DPP10: variants seen among roughly 807,000 people sequenced by gnomAD.
DPP10 encodes dipeptidyl peptidase like 10.
Under a neutral mutation model 120.9 loss-of-function variants are expected in DPP10, and 33 were observed. The observed-to-expected ratio is 0.27, with a 90% CI of 0.21 to 0.37. DPP10 has a LOEUF of 0.37. Among genes scored for constraint, DPP10 ranks in the 10% least tolerant of loss-of-function variants. The pLI is 1.00. For missense variants in DPP10, 816 were observed against 942.8 expected (o/e 0.87, Z 1.76); for synonymous variants, 337 against 326.1 (o/e 1.03, Z -0.36).
At chr2:115,571,693 CTTTT>C (rs11462795) in intron 5 of DPP10, among the ~76,000 whole-genome samples, 2 of 117,028 alleles carry the variant, frequency 1.7e-5, no homozygotes, top group Admixed American at 2.2e-4. Context: ...GTTGTTGTTC[CTTTT>C]TTTTTTTTTC....
At chr2:114,463,287 A>G (rs1042849252) in intron 1 of DPP10, 4 of 152,316 alleles carry the variant, frequency 2.6e-5, no homozygotes, top group South Asian at 2.1e-4. Context: ...ACTGTACCAC[A>G]TGGATCATTC....
chr2:114,635,335 T>C (rs910773304), intron 1 of DPP10, among the ~76,000 whole-genome samples: 1 of 151,946 alleles, frequency 6.6e-6, no homozygotes, highest in Non-Finnish European at 1.5e-5. Flanking sequence ...AGTTGAGCAC[T>C]ATTGGGTTTA....
chr2:114,489,884 CAG>C (rs1681838756), intron 1 of DPP10, among the ~76,000 whole-genome samples: 1 of 152,180 alleles, frequency 6.6e-6, no homozygotes, highest in African/African-American at 2.4e-5. Flanking sequence ...GTTAACCCAT[CAG>C]AGAGTTAGTT....
At chr2:115,143,666 T>C (rs1192280207) in intron 1 of DPP10, among the ~76,000 whole-genome samples, 1 of 152,206 alleles carries the variant, frequency 6.6e-6, no homozygotes, top group East Asian at 1.9e-4. Context: ...TTGCTGAGGA[T>C]GGCCATGCCT....
intron 1 of DPP10, among the ~76,000 whole-genome samples, chr2:114,609,193 G>C (rs1293996367): frequency 6.6e-6 from 1 of 152,090 alleles, no homozygotes. Flanking sequence ...CCACAATGAG[G>C]GTATATTTTG....
intron 2 of DPP10, among the ~76,000 whole-genome samples, chr2:115,326,923 G>C (rs962037107): frequency 6.6e-6 from 1 of 151,952 alleles, no homozygotes; most frequent in African/African-American, 2.4e-5. Context: ...ATTTAATGTA[G>C]ACTGTGCAGT....
At chr2:115,299,658 TTG>T (rs1228642724) in intron 1 of DPP10, among the ~76,000 whole-genome samples, 3 of 152,060 alleles carry the variant, frequency 2.0e-5, no homozygotes, top group African/African-American at 7.2e-5. Context: ...ACTAATGTGT[TTG>T]TGTGCATGCA....
intron 5 of DPP10, among the ~76,000 whole-genome samples, chr2:115,552,711 T>C (rs1247072610): frequency 1.3e-5 from 2 of 152,078 alleles, no homozygotes; most frequent in Non-Finnish European, 2.9e-5. Flanking sequence ...TAAATATTCA[T>C]CAATATTCAT....
intron 1 of DPP10, among the ~76,000 whole-genome samples, chr2:114,747,945 A>AC (rs1678734933): frequency 6.6e-6 from 1 of 152,298 alleles, no homozygotes; most frequent in Admixed American, 6.5e-5. Flanking sequence ...CAAGCTGTAA[A>AC]CTGTTGGTTA....
At chr2:114,842,284 A>T (rs1044810753) in intron 1 of DPP10, among the ~76,000 whole-genome samples, 2 of 152,122 alleles carry the variant, frequency 1.3e-5, no homozygotes, top group Admixed American at 6.6e-5. Context: ...ACTAATGGCT[A>T]GGTTAGGTGG....
At chr2:115,505,650 G>A (rs1021286467) in intron 4 of DPP10, among the ~76,000 whole-genome samples, 13 of 152,168 alleles carry the variant, frequency 8.5e-5, no homozygotes, top group East Asian at 5.8e-4. Context: ...TCATTTTCTT[G>A]CTGAATAATT....
intron 1 of DPP10, among the ~76,000 whole-genome samples, chr2:114,568,033 A>G (rs548964439): frequency 7.0e-6 from 1 of 143,718 alleles, no homozygotes; most frequent in South Asian, 2.4e-4. Flanking sequence ...AAAAAAAAAG[A>G]GAGAGAGAGA....
intron 1 of DPP10, among the ~76,000 whole-genome samples, chr2:114,685,794 T>TTA (rs775648454): frequency 2.0e-5 from 3 of 151,960 alleles, no homozygotes; most frequent in Admixed American, 6.6e-5. Flanking sequence ...TGCCACCTTA[T>TTA]TAAGACCCCA....
intron 1 of DPP10, chr2:115,131,952 G>A (rs566005595): frequency 6.6e-6 from 1 of 151,946 alleles, no homozygotes; most frequent in African/African-American, 2.4e-5. Flanking sequence ...ACAAAAATTA[G>A]CCGATCATGG....
At chr2:114,910,736 A>G (rs2106635332) in intron 1 of DPP10, among the ~76,000 whole-genome samples, 1 of 152,284 alleles carries the variant, frequency 6.6e-6, no homozygotes, top group Non-Finnish European at 1.5e-5. Flanking sequence ...TCTTTAAAAT[A>G]GACTCCACAT....
At chr2:114,756,726 T>A (rs1474227261) in intron 1 of DPP10, among the ~76,000 whole-genome samples, 1 of 151,900 alleles carries the variant, frequency 6.6e-6, no homozygotes, top group African/African-American at 2.4e-5. Flanking sequence ...GACCTCAGTC[T>A]TCATAAGTAG....
chr2:115,453,445 G>C (rs1442907281), intron 3 of DPP10, among the ~76,000 whole-genome samples: 1 of 151,312 alleles, frequency 6.6e-6, no homozygotes, highest in Non-Finnish European at 1.5e-5. Context: ...TTTTCCTTAT[G>C]AATGAGAATA....
At chr2:115,364,147 G>A (rs2064947383) in intron 3 of DPP10, among the ~76,000 whole-genome samples, 3 of 152,176 alleles carry the variant, frequency 2.0e-5, no homozygotes, top group African/African-American at 7.2e-5. Context: ...TAAAAGATCT[G>A]CTTTTTTTTT....
chr2:114,908,921 T>G (rs1039341518), intron 1 of DPP10, among the ~76,000 whole-genome samples: 5 of 151,808 alleles, frequency 3.3e-5, no homozygotes, highest in African/African-American at 9.7e-5. Flanking sequence ...TTTATCTATA[T>G]TTGTGAGTTT....
Sources: gnomAD v4.1 joint callset for allele counts (sites outside exome capture counted in the v4.1 genomes callset) on GRCh38, gnomAD v4.1.1 for gene constraint, MANE v1.5 for transcripts, NCBI Gene and HGNC (gene_info 2026-07-23, HGNC 2026-07-21) for gene names.